The following SUCLG2 variants were observed in gnomAD, a reference collection of about 807,000 sequenced individuals.
The protein encoded by SUCLG2 is succinate--CoA ligase [GDP-forming] subunit beta, mitochondrial.
SUCLG2 carries 42 observed loss-of-function variants against 47.9 expected under a neutral mutation model. That is an observed-to-expected ratio of 0.88 (90% CI 0.69 to 1.14). The LOEUF (loss-of-function observed/expected upper bound fraction) is 1.14, where lower values mean the gene tolerates loss of function less well. Among genes scored for constraint, SUCLG2 ranks in the 50% most tolerant of loss-of-function variants. The pLI is 0.00. For missense variants in SUCLG2, 571 were observed against 525.9 expected, an observed-to-expected ratio of 1.09 and a Z score of -0.84; for synonymous variants, 195 against 197.3, an observed-to-expected ratio of 0.99 and a Z score of 0.10.
chr3:67,426,442 T>C (rs1251019164), intron 9 of SUCLG2, among the ~76,000 whole-genome samples: 4 of 152,188 alleles, frequency 2.6e-5, no homozygotes, highest in Non-Finnish European at 4.4e-5. Context: ...AATGTGAATA[T>C]GGAGGACTCT....
intron 7 of SUCLG2, among the ~76,000 whole-genome samples, chr3:67,504,802 T>C (rs1705593705): frequency 1.3e-5 from 2 of 152,008 alleles, no homozygotes; most frequent in South Asian, 4.1e-4. Flanking sequence ...AAATATGACA[T>C]GAAATTTCAC....
At chr3:67,440,425 T>C (rs1285866513) in intron 9 of SUCLG2, among the ~76,000 whole-genome samples, 1 of 152,070 alleles carries the variant, frequency 6.6e-6, no homozygotes, top group East Asian at 1.9e-4. Context: ...AAAAAGAAAT[T>C]ATCACAAGAG....
At chr3:67,437,435 C>A (rs933631762) in intron 9 of SUCLG2, among the ~76,000 whole-genome samples, 2 of 152,122 alleles carry the variant, frequency 1.3e-5, no homozygotes, top group African/African-American at 4.8e-5. Context: ...CTAAATGATA[C>A]GATAGCTTTT....
chr3:67,437,294 G>C (rs1370068467), intron 9 of SUCLG2, among the ~76,000 whole-genome samples: 1 of 152,140 alleles, frequency 6.6e-6, no homozygotes, highest in African/African-American at 2.4e-5. Flanking sequence ...TGAACAACAA[G>C]AGATAAGGAT....
chr3:67,579,837 C>A lies in SUCLG2; in HGVS notation c.226+29618G>T, dbSNP rs578061006. The stretch of plus-strand genomic sequence containing the variant: ...AGTATGTTTAAAAAAATTAACTTAC[C>A]TTGTTTATAGGAAAACACATGACAT... On this transcript the variant is annotated intron_variant, in intron 2 of 10. Coordinates refer to ENST00000307227, the MANE Select transcript of SUCLG2 (RefSeq NM_003848.4). 8.5e-5 allele frequency among the ~76,000 whole-genome samples: 13 copies of A among 152,172 alleles called. No individual in the cohort carries two copies. The South Asian group carries it at 2.7e-3, about 32-fold the overall frequency.
chr3:67,528,165 T>A lies in SUCLG2; in HGVS notation c.384A>T (p.Lys128Asn). Residue 128 changes from lysine to asparagine, a missense_variant, in exon 4 of 11, where the codon AAA becomes AAT. Coordinates refer to ENST00000307227, the MANE Select transcript of SUCLG2 (RefSeq NM_003848.4). ...CTTTCACACCTTCTTTTGGAGTTTG[T>A]TTTGTCGCTAGATTGTACCCAATCA... ...KQMIGYNLAT[K>N]QTPKEGVKVN... is the part of the protein sequence containing the mutation. 1 of 1,613,952 alleles carries A rather than the reference T, an allele frequency of 6.2e-7. No individual in the cohort carries two copies. Among genetic ancestry groups the A allele is most frequent in the Non-Finnish European group, 8.5e-7 (1 of 1,179,886 alleles).
At position 67,511,982 on chromosome 3, in the gene SUCLG2, C is replaced by CTGGACT. The variant is rs1381179087; in HGVS notation, c.661-3085_661-3080dup. ...CCTCCCACCTCAGCCTTTCAAATAG[C>CTGGACT]TGGACTACAGGCACATGCCACTAGG... On this transcript the variant is annotated intron_variant, in intron 6 of 10. Transcript: ENST00000307227. 4.4e-4 allele frequency among the ~76,000 whole-genome samples: 66 copies of CTGGACT among 151,072 alleles called. 2 individuals are homozygous for CTGGACT. Among genetic ancestry groups the CTGGACT allele is most frequent in the African/African-American group, 1.5e-3 (61 of 40,458 alleles).
At chr3:67,610,522 AC>A in intron 1 of SUCLG2, among the ~76,000 whole-genome samples, 1 of 152,152 alleles carries the variant, frequency 6.6e-6, no homozygotes, top group South Asian at 2.1e-4. Context: ...AAAAAAAAAA[AC>A]CAGGAAAAAT....
intron 1 of SUCLG2, among the ~76,000 whole-genome samples, chr3:67,635,679 A>G (rs1700998183): frequency 6.6e-6 from 1 of 152,114 alleles, no homozygotes; most frequent in South Asian, 2.1e-4. Flanking sequence ...CTGCTTAGGG[A>G]TCCTGAACTC....
chr3:67,612,374 A>AT (rs1553669749), intron 1 of SUCLG2, among the ~76,000 whole-genome samples: 13,618 of 148,284 alleles, frequency 0.092, 1,317 homozygotes, highest in African/African-American at 0.23. Context: ...ACAAAAAAAA[A>AT]TGTGATACAT....
intron 4 of SUCLG2, among the ~76,000 whole-genome samples, chr3:67,524,375 A>G (rs1408782759): frequency 6.6e-6 from 1 of 152,212 alleles, no homozygotes; most frequent in Non-Finnish European, 1.5e-5. Flanking sequence ...GATGAGTGCT[A>G]GCGTACAAAC....
At chr3:67,629,304 C>A (rs939600128) in intron 1 of SUCLG2, among the ~76,000 whole-genome samples, 2 of 152,238 alleles carry the variant, frequency 1.3e-5, no homozygotes, top group Non-Finnish European at 2.9e-5. Context: ...GTCCCCCAGA[C>A]TGCTCCCACT....
At chr3:67,548,109 C>T (rs1272616872) in intron 2 of SUCLG2, among the ~76,000 whole-genome samples, 1 of 152,112 alleles carries the variant, frequency 6.6e-6, no homozygotes, top group African/African-American at 2.4e-5. Flanking sequence ...AAGATTTGTG[C>T]TGAGCGTATT....
intron 1 of SUCLG2, among the ~76,000 whole-genome samples, chr3:67,636,345 G>A (rs1273510628): frequency 1.3e-5 from 2 of 151,716 alleles, no homozygotes; most frequent in East Asian, 3.9e-4. Flanking sequence ...GGACACCAAG[G>A]CAGAATCCTT....
intron 2 of SUCLG2, among the ~76,000 whole-genome samples, chr3:67,532,885 A>C (rs1559560792): frequency 6.6e-6 from 1 of 152,204 alleles, no homozygotes; most frequent in Non-Finnish European, 1.5e-5. Context: ...GTGTTATTCT[A>C]ATTATAATGC....
intron 2 of SUCLG2, among the ~76,000 whole-genome samples, chr3:67,587,228 G>C (rs1415773138): frequency 6.6e-6 from 1 of 152,148 alleles, no homozygotes; most frequent in South Asian, 2.1e-4. Context: ...ACTCGGCTCT[G>C]TTTGCCTGGC....
intron 9 of SUCLG2, among the ~76,000 whole-genome samples, chr3:67,413,856 T>C (rs1446287792): frequency 1.3e-5 from 2 of 152,242 alleles, no homozygotes; most frequent in Non-Finnish European, 2.9e-5. Context: ...TCTGGACAAA[T>C]GTCCCTGTTT....
chr3:67,416,231 A>G (rs1703036621), intron 9 of SUCLG2, among the ~76,000 whole-genome samples: 1 of 152,198 alleles, frequency 6.6e-6, no homozygotes, highest in South Asian at 2.1e-4. Context: ...TGATAGGCAG[A>G]GTTTTGAATA....
chr3:67,586,787 T>C (rs936857134), intron 2 of SUCLG2, among the ~76,000 whole-genome samples: 15 of 152,122 alleles, frequency 9.9e-5, no homozygotes, highest in Non-Finnish European at 1.9e-4. Flanking sequence ...TGTTCAGAGA[T>C]TTAAGTAACT....
Sources: allele counts gnomAD v4.1 joint callset (sites outside exome capture counted in the v4.1 genomes callset), GRCh38; gene constraint gnomAD v4.1.1; transcripts MANE v1.5; gene names NCBI Gene and HGNC (gene_info 2026-07-23, HGNC 2026-07-21).